The following STK10 variants were observed in gnomAD, a reference collection of about 807,000 sequenced individuals.
The protein encoded by STK10 is serine/threonine kinase 10, also known as serine/threonine-protein kinase 10.
Under a neutral mutation model 113.8 loss-of-function variants are expected in STK10, and 78 were observed. The ratio of observed to expected loss-of-function variants is 0.69; its 90% CI spans 0.57 to 0.83. The LOEUF is 0.83. Among genes scored for constraint, STK10 ranks in the 40% least tolerant of loss-of-function variants. STK10 has a pLI of 0.00. For missense variants in STK10, 1,109 were observed against 1,280.1 expected (o/e 0.87, Z 2.04); for synonymous variants, 465 against 494.7 (o/e 0.94, Z 0.80).
Position 172,156,740 on chromosome 5 carries a change from T to C in STK10, c.205A>G (p.Thr69Ala). 6.2e-7 allele frequency: 1 copy of C among 1,614,104 alleles called. No individual in the cohort carries two copies. Among genetic ancestry groups the C allele is most frequent in the Non-Finnish European group, 8.5e-7 (1 of 1,179,986 alleles). ...TCCTCCAGCTCCTCCTCACTCTTGG[T>C]TTCAATGACTTTGGCCGCAGCCAAA... ...GALAAAKVIETKSEEELEDYI... is the reference protein window; with the variant it reads ...GALAAAKVIEAKSEEELEDYI... Residue 69 changes from threonine to alanine, a missense_variant, in exon 2 of 19, where the codon ACC (threonine) becomes GCC (alanine). Thr to Ala is a moderately conservative substitution (Grantham distance 58). This residue lies in a region of STK10 where 120 missense variants were observed against 134.8 expected (regional missense o/e 0.89). Coordinates refer to ENST00000176763, the MANE Select transcript of STK10 (RefSeq NM_005990.4).
At chr5:172,074,949 C>T (rs995234696) in intron 12 of STK10, among the ~76,000 whole-genome samples, 2 of 151,256 alleles carry the variant, frequency 1.3e-5, no homozygotes, top group African/African-American at 2.4e-5. Context: ...AACCCACGAG[C>T]TGCAGGGTGC....
intron 2 of STK10, among the ~76,000 whole-genome samples, chr5:172,136,073 AG>A (rs1379032034): frequency 1.3e-5 from 2 of 152,086 alleles, no homozygotes; most frequent in Non-Finnish European, 2.9e-5. Context: ...AAAGAAAAAA[AG>A]AAAAAAAAAC....
chr5:172,160,234 G>A (rs1005485766), intron 1 of STK10, among the ~76,000 whole-genome samples: 2 of 152,154 alleles, frequency 1.3e-5, no homozygotes, highest in Admixed American at 6.5e-5. Flanking sequence ...AGCATTTTGG[G>A]AGGCCAAGGT....
At chr5:172,092,162 A>G (rs1427973569) in intron 9 of STK10, among the ~76,000 whole-genome samples, 1 of 152,204 alleles carries the variant, frequency 6.6e-6, no homozygotes, top group Non-Finnish European at 1.5e-5. Flanking sequence ...AGAGGCCGGC[A>G]GGAGTGAGAG....
chr5:172,120,011 T>G lies in STK10; in HGVS notation c.371-2381A>C, dbSNP rs1343533069. Among the ~76,000 whole-genome samples, 1 of 152,084 alleles carries G rather than the reference T, an allele frequency of 6.6e-6. No homozygotes were observed. The highest frequency in any genetic ancestry group is 2.4e-5 in the African/African-American group (1 of 41,408). On this transcript the variant is annotated intron_variant, in intron 3 of 18. Transcript: ENST00000176763. The surrounding 1 kb of genome is among the most constrained non-coding windows in gnomAD (Gnocchi z 4.0). Reference sequence around the variant, plus strand: ...AGCAGAGAGGAGGAAAGCTGCTCAATGGACAGATTAGGGAGGTGGAGCTGG... The same window carrying G: ...AGCAGAGAGGAGGAAAGCTGCTCAAGGGACAGATTAGGGAGGTGGAGCTGG...
chr5:172,077,154 C>T (rs376621186), intron 12 of STK10, among the ~76,000 whole-genome samples: 1 of 152,204 alleles, frequency 6.6e-6, no homozygotes, highest in African/African-American at 2.4e-5. Flanking sequence ...AGAAAACCTG[C>T]ATTCTAGTCC....
rs892385059 is a variant in STK10 at position 172,187,003 on chromosome 5, T to C, written c.156+884A>G. On this transcript the variant is annotated intron_variant, in intron 1 of 18. Coordinates refer to ENST00000176763, the MANE Select transcript of STK10 (RefSeq NM_005990.4). This position sits in a 1 kb window ranked among gnomAD's most constrained non-coding sequence, Gnocchi z 4.6. Reference sequence around the variant, plus strand: ...GTGCTCTCCTGGAGGTATACACCAATTTAACAAGTGGGCGTCTCCCAGTAA... The same window carrying C: ...GTGCTCTCCTGGAGGTATACACCAACTTAACAAGTGGGCGTCTCCCAGTAA... Among the ~76,000 whole-genome samples the C allele has an allele frequency of 2.0e-5, 3 of 151,998 alleles. No homozygotes were observed. Among genetic ancestry groups the C allele is most frequent in the Non-Finnish European group, 4.4e-5 (3 of 67,998 alleles).
chr5:172,113,275 A>G (rs1769282176), intron 4 of STK10, among the ~76,000 whole-genome samples: 1 of 152,130 alleles, frequency 6.6e-6, no homozygotes, highest in Non-Finnish European at 1.5e-5. Context: ...TGCAGGATGA[A>G]CAAAACCCCA....
rs112624572 is a variant in STK10, at chr5:172,066,495, G to A, written c.1990-1683C>T. On this transcript the variant is annotated intron_variant, in intron 12 of 18. Coordinates refer to ENST00000176763, the MANE Select transcript of STK10 (RefSeq NM_005990.4). ...AGTATGGGATGAATCCCAAAGAGAAGGGCACAGAAGGCCAGGCGGAGTGGC... is the reference window on the plus strand; with the variant it reads ...AGTATGGGATGAATCCCAAAGAGAAAGGCACAGAAGGCCAGGCGGAGTGGC... 3.0e-3 allele frequency among the ~76,000 whole-genome samples: 464 copies of A among 152,278 alleles called. 9 individuals carry two copies. The highest frequency in any genetic ancestry group is 0.01 in the African/African-American group (433 of 41,572).
intron 7 of STK10, among the ~76,000 whole-genome samples, chr5:172,098,888 T>TCACCACCATCAC (rs1370292374): frequency 2.0e-5 from 3 of 151,256 alleles, no homozygotes; most frequent in Non-Finnish European, 4.4e-5. Flanking sequence ...ATCATCACCT[T>TCACCACCATCAC]CACCACCATC....
At chr5:172,150,047 C>CA (rs35745235) in intron 2 of STK10, among the ~76,000 whole-genome samples, 46,014 of 86,788 alleles carry the variant, frequency 0.53, 11,087 homozygotes, top group African/African-American at 0.66. Flanking sequence ...AACTTTGTCT[C>CA]AAAAAAAAAA....
chr5:172,099,624 T>C (rs1239551399), intron 7 of STK10, among the ~76,000 whole-genome samples: 1 of 152,078 alleles, frequency 6.6e-6, no homozygotes, highest in East Asian at 1.9e-4. Context: ...AGCACAGCTT[T>C]TTGGAACCAA....
intron 9 of STK10, among the ~76,000 whole-genome samples, chr5:172,092,061 G>A (rs1768724550): frequency 6.6e-6 from 1 of 152,344 alleles, no homozygotes; most frequent in Middle Eastern, 3.4e-3. Context: ...CATCAGCATG[G>A]ACCCAGCATG....
chr5:172,112,473 T>A (rs1581162293), intron 4 of STK10, among the ~76,000 whole-genome samples: 1 of 142,388 alleles, frequency 7.0e-6, no homozygotes, highest in Non-Finnish European at 1.5e-5. Flanking sequence ...CAGGCTGGAG[T>A]GCAGTGGTGT....
At chr5:172,179,103 C>T (rs1192128363) in intron 1 of STK10, among the ~76,000 whole-genome samples, 1 of 152,218 alleles carries the variant, frequency 6.6e-6, no homozygotes, top group Non-Finnish European at 1.5e-5. Flanking sequence ...AGGTCAGGAG[C>T]TTCTCCATCT....
At chr5:172,112,847 A>C (rs1213847847) in intron 4 of STK10, among the ~76,000 whole-genome samples, 1 of 148,312 alleles carries the variant, frequency 6.7e-6, no homozygotes. Flanking sequence ...TCCGGGTTCA[A>C]GCAATTCTCC....
At chr5:172,155,563 C>T (rs534464962) in intron 2 of STK10, among the ~76,000 whole-genome samples, 1 of 150,342 alleles carries the variant, frequency 6.7e-6, no homozygotes, top group Non-Finnish European at 1.5e-5. Flanking sequence ...CAAAGATGTC[C>T]ATCACAGAGT....
chr5:172,171,233 C>T (rs1042865623), intron 1 of STK10, among the ~76,000 whole-genome samples: 39 of 152,132 alleles, frequency 2.6e-4, no homozygotes, highest in African/African-American at 8.7e-4. Flanking sequence ...TGGTATTCTG[C>T]GGTGGGACGT....
intron 12 of STK10, among the ~76,000 whole-genome samples, chr5:172,069,190 T>C (rs981434093): frequency 6.6e-6 from 1 of 151,822 alleles, no homozygotes; most frequent in African/African-American, 2.4e-5. Flanking sequence ...AAACAGGTAA[T>C]AATTTAATTA....
Sources: allele counts gnomAD v4.1 joint callset (sites outside exome capture counted in the v4.1 genomes callset), GRCh38; gene constraint gnomAD v4.1.1; regional missense constraint gnomAD v4.1.1; non-coding constraint Gnocchi (gnomAD v3.1); transcripts MANE v1.5; gene names NCBI Gene and HGNC (gene_info 2026-07-23, HGNC 2026-07-21).